ARB2A: variants seen among roughly 807,000 people sequenced by gnomAD.
ARB2A encodes the protein ARB2 cotranscriptional regulator A, also known as cotranscriptional regulator ARB2A.
At chr5:93,957,696 A>G in the ARB2A span, among the ~76,000 whole-genome samples, 1 of 152,078 alleles carries the variant, frequency 6.6e-6, no homozygotes, top group East Asian at 1.9e-4. Flanking sequence ...AAGGGTTTCA[A>G]AATCTATTAA....
the ARB2A span, among the ~76,000 whole-genome samples, chr5:94,004,811 C>T: frequency 6.6e-6 from 1 of 151,338 alleles, no homozygotes; most frequent in Middle Eastern, 3.4e-3. Context: ...ATTTGTGTTT[C>T]TATTTAAAGT....
At chr5:93,791,733 C>T in the ARB2A span, among the ~76,000 whole-genome samples, 1 of 152,158 alleles carries the variant, frequency 6.6e-6, no homozygotes, top group African/African-American at 2.4e-5. Context: ...GGTATGTAAA[C>T]TGAAACTTCT....
the ARB2A span, among the ~76,000 whole-genome samples, chr5:93,793,239 ATTTTTTTTT>A: frequency 5.7e-4 from 37 of 64,778 alleles, no homozygotes; most frequent in South Asian, 8.4e-4. Flanking sequence ...CTTCTGGCTA[ATTTTTTTTT>A]TTTTTTTTTT....
the ARB2A span, among the ~76,000 whole-genome samples, chr5:93,842,190 A>C: frequency 6.6e-6 from 1 of 152,182 alleles, no homozygotes; most frequent in African/African-American, 2.4e-5. Context: ...GCACAAGAGG[A>C]AACTTTTTGG....
the ARB2A span, among the ~76,000 whole-genome samples, chr5:94,095,375 T>C: frequency 5.3e-5 from 8 of 152,132 alleles, no homozygotes; most frequent in Non-Finnish European, 1.0e-4. Context: ...AACCATTCAA[T>C]AGTTCCTACT....
the ARB2A span, among the ~76,000 whole-genome samples, chr5:93,953,215 T>C: frequency 6.6e-6 from 1 of 152,200 alleles, no homozygotes; most frequent in Non-Finnish European, 1.5e-5. Flanking sequence ...TTGCGGATGT[T>C]TGTCGGTATC....
the ARB2A span, among the ~76,000 whole-genome samples, chr5:93,807,311 C>A: frequency 6.6e-6 from 1 of 151,898 alleles, no homozygotes; most frequent in Non-Finnish European, 1.5e-5. Context: ...TTGAAAAATG[C>A]TCAAGTTCAG....
At chr5:94,083,500 G>A in the ARB2A span, among the ~76,000 whole-genome samples, 1 of 151,674 alleles carries the variant, frequency 6.6e-6, no homozygotes, top group African/African-American at 2.4e-5. Context: ...AGAAAACTAG[G>A]AATCAAAGGA....
the ARB2A span, among the ~76,000 whole-genome samples, chr5:93,711,193 AT>A: frequency 0.03 from 4,132 of 138,176 alleles, 168 homozygotes; most frequent in African/African-American, 0.1. Context: ...AACTGGTTCT[AT>A]TTTTTTTTTT....
At chr5:93,759,581 G>T in the ARB2A span, among the ~76,000 whole-genome samples, 1 of 152,128 alleles carries the variant, frequency 6.6e-6, no homozygotes, top group African/African-American at 2.4e-5. Flanking sequence ...GGAATGCAGG[G>T]ATGGTTTAAC....
the ARB2A span, among the ~76,000 whole-genome samples, chr5:93,790,327 T>C: frequency 6.6e-6 from 1 of 152,190 alleles, no homozygotes; most frequent in Non-Finnish European, 1.5e-5. Context: ...CTTTAAAAAG[T>C]GCATTATCCT....
chr5:94,091,023 G>A, the ARB2A span, among the ~76,000 whole-genome samples: 2 of 152,142 alleles, frequency 1.3e-5, no homozygotes, highest in Non-Finnish European at 2.9e-5. Flanking sequence ...ATTAGCTTAT[G>A]TAATTCAGTT....
At chr5:93,721,950 A>G in the ARB2A span, among the ~76,000 whole-genome samples, 1 of 152,154 alleles carries the variant, frequency 6.6e-6, no homozygotes, top group Non-Finnish European at 1.5e-5. Context: ...GTATTTTGCT[A>G]TATGCAGAAA....
At chr5:93,673,421 T>C in the ARB2A span, among the ~76,000 whole-genome samples, 1 of 152,174 alleles carries the variant, frequency 6.6e-6, no homozygotes, top group Admixed American at 6.5e-5. Flanking sequence ...TTCAGCATTA[T>C]TGTGTCAAAT....
chr5:93,819,006 T>C, the ARB2A span, among the ~76,000 whole-genome samples: 1 of 151,350 alleles, frequency 6.6e-6, no homozygotes, highest in South Asian at 2.1e-4. Context: ...GCTAACACGG[T>C]GAAACCCCGT....
the ARB2A span, among the ~76,000 whole-genome samples, chr5:93,703,383 A>T: frequency 1.3e-5 from 2 of 152,370 alleles, no homozygotes; most frequent in Admixed American, 1.3e-4. Context: ...AAAAAAGATC[A>T]TAACACCCAC....
chr5:93,919,894 G>T, the ARB2A span, among the ~76,000 whole-genome samples: 1 of 152,016 alleles, frequency 6.6e-6, no homozygotes, highest in Non-Finnish European at 1.5e-5. Context: ...AAGGTACAAG[G>T]CTTGTATTGA....
the ARB2A span, among the ~76,000 whole-genome samples, chr5:93,853,393 T>C: frequency 6.6e-6 from 1 of 152,230 alleles, no homozygotes. Context: ...TACAATCATG[T>C]CATCTGCAAA....
chr5:94,023,144 AC>A, the ARB2A span, among the ~76,000 whole-genome samples: 338 of 152,288 alleles, frequency 2.2e-3, 2 homozygotes, highest in African/African-American at 8.0e-3. Context: ...TTCTGCTTTC[AC>A]CCAATCTGAC....
Sources: allele counts gnomAD v4.1 joint callset (sites outside exome capture counted in the v4.1 genomes callset), GRCh38; gene constraint gnomAD v4.1.1; transcripts MANE v1.5; gene names NCBI Gene and HGNC (gene_info 2026-07-23, HGNC 2026-07-21).